The following NELL2 variants were observed in gnomAD, a reference collection of about 807,000 sequenced individuals.
NELL2 encodes protein kinase C-binding protein NELL2.
NELL2 carries 41 observed loss-of-function variants against 109.6 expected under a neutral mutation model. The ratio of observed to expected loss-of-function variants is 0.37; its 90% CI spans 0.29 to 0.49. The LOEUF (loss-of-function observed/expected upper bound fraction) is 0.49. Among genes scored for constraint, NELL2 ranks in the 20% least tolerant of loss-of-function variants. The probability of loss-of-function intolerance (pLI) is 0.98; values close to 1 mark genes in which losing one functional copy is unlikely to be tolerated. For synonymous variants in NELL2, 355 were observed against 344.7 expected, an observed-to-expected ratio of 1.03 and a Z score of -0.33; for missense variants, 900 against 1,008.3, an observed-to-expected ratio of 0.89 and a Z score of 1.45.
chr12:44,653,692 C>T (rs535903165), intron 13 of NELL2, among the ~76,000 whole-genome samples: 63 of 152,246 alleles, frequency 4.1e-4, no homozygotes, highest in African/African-American at 1.4e-3. Context: ...GAATGTAATA[C>T]TATATCACCT....
At chr12:44,905,742 T>C (rs1945712238) in intron 1 of NELL2, among the ~76,000 whole-genome samples, 1 of 152,112 alleles carries the variant, frequency 6.6e-6, no homozygotes, top group South Asian at 2.1e-4. Flanking sequence ...ACCATCTGAC[T>C]AGCTCTCACA....
At chr12:44,710,558 C>T (rs1055754748) in intron 11 of NELL2, among the ~76,000 whole-genome samples, 1 of 152,082 alleles carries the variant, frequency 6.6e-6, no homozygotes, top group African/African-American at 2.4e-5. Context: ...TAAAGAGTTC[C>T]ATATAATCAA....
chr12:44,677,855 T>C (rs1365218580), intron 12 of NELL2, among the ~76,000 whole-genome samples: 2 of 151,674 alleles, frequency 1.3e-5, no homozygotes, highest in African/African-American at 2.4e-5. Flanking sequence ...AGGACTGCAA[T>C]TGAGCTACAG....
intron 12 of NELL2, among the ~76,000 whole-genome samples, chr12:44,702,812 A>G (rs887817418): frequency 1.3e-5 from 2 of 150,676 alleles, no homozygotes; most frequent in Non-Finnish European, 2.9e-5. Flanking sequence ...TTTTTAAGAA[A>G]AAGAAAAAAC....
chr12:44,900,884 G>A (rs903084740), intron 1 of NELL2, among the ~76,000 whole-genome samples: 16 of 152,094 alleles, frequency 1.1e-4, no homozygotes, highest in African/African-American at 3.9e-4. Context: ...AGCTACTCAA[G>A]AGGCTGAGGC....
intron 13 of NELL2, among the ~76,000 whole-genome samples, chr12:44,618,363 T>C (rs1252220456): frequency 6.6e-6 from 1 of 152,194 alleles, no homozygotes; most frequent in Non-Finnish European, 1.5e-5. Context: ...CTGATTTTCT[T>C]CTAGTCTTTT....
chr12:44,844,230 G>A (rs1197432835), intron 2 of NELL2, among the ~76,000 whole-genome samples: 1 of 152,104 alleles, frequency 6.6e-6, no homozygotes, highest in Non-Finnish European at 1.5e-5. Context: ...TTACCACATT[G>A]GTGGGAACTG....
intron 9 of NELL2, among the ~76,000 whole-genome samples, chr12:44,762,829 C>T (rs1941181357): frequency 2.6e-5 from 4 of 152,198 alleles, no homozygotes; most frequent in Admixed American, 2.0e-4. Context: ...GCTTTATCAA[C>T]ACCTTAATAC....
intron 9 of NELL2, among the ~76,000 whole-genome samples, chr12:44,741,355 G>A (rs781545247): frequency 3.9e-5 from 6 of 152,070 alleles, no homozygotes; most frequent in African/African-American, 1.2e-4. Flanking sequence ...GAACAGCTCT[G>A]GTCTACAGCT....
chr12:44,769,311 A>G (rs1459967108), intron 9 of NELL2, among the ~76,000 whole-genome samples: 1 of 152,146 alleles, frequency 6.6e-6, no homozygotes, highest in African/African-American at 2.4e-5. Context: ...ACTTTTTATT[A>G]TTTAATATTA....
At chr12:44,532,560 A>G (rs1437210734) in intron 16 of NELL2, 21 bp downstream of exon 16, 4 of 1,601,590 alleles carry the variant, frequency 2.5e-6, no homozygotes, top group Non-Finnish European at 3.4e-6. Context: ...CTTAAATTCT[A>G]GGTCTTCTCC....
intron 15 of NELL2, among the ~76,000 whole-genome samples, chr12:44,568,182 G>A (rs1478782504): frequency 6.6e-6 from 1 of 152,106 alleles, no homozygotes; most frequent in African/African-American, 2.4e-5. Flanking sequence ...ACACTCTATG[G>A]TTTGGTGGCA....
intron 2 of NELL2, among the ~76,000 whole-genome samples, chr12:44,856,299 T>G (rs1944681698): frequency 6.6e-6 from 1 of 152,218 alleles, no homozygotes; most frequent in Admixed American, 6.5e-5. Flanking sequence ...ATCAGTAAAT[T>G]AAGCATTCAA....
At chr12:44,650,515 G>C (rs1947263606) in intron 13 of NELL2, among the ~76,000 whole-genome samples, 2 of 151,900 alleles carry the variant, frequency 1.3e-5, no homozygotes, top group Admixed American at 6.6e-5. Flanking sequence ...GGCTGGTCTT[G>C]AACCCCTGAC....
intron 9 of NELL2, among the ~76,000 whole-genome samples, chr12:44,737,839 T>C (rs1939731920): frequency 6.6e-6 from 1 of 151,688 alleles, no homozygotes; most frequent in Admixed American, 6.6e-5. Flanking sequence ...GCCCTCATGA[T>C]CTAATTAAAA....
intron 1 of NELL2, among the ~76,000 whole-genome samples, chr12:44,900,025 A>G (rs994198900): frequency 1.3e-5 from 2 of 152,234 alleles, no homozygotes; most frequent in African/African-American, 4.8e-5. Flanking sequence ...AGGGCATTAC[A>G]TAATGGTAAA....
At chr12:44,774,315 C>G (rs1263881839) in intron 9 of NELL2, among the ~76,000 whole-genome samples, 1 of 152,196 alleles carries the variant, frequency 6.6e-6, no homozygotes, top group African/African-American at 2.4e-5. Flanking sequence ...ACTGGACAAT[C>G]CTATAATAAT....
intron 1 of NELL2, among the ~76,000 whole-genome samples, chr12:44,921,221 G>C (rs1292686779): frequency 2.0e-5 from 3 of 152,174 alleles, no homozygotes; most frequent in East Asian, 1.9e-4. Flanking sequence ...ATGGAAGTCA[G>C]AGACCTAAAC....
intron 9 of NELL2, among the ~76,000 whole-genome samples, chr12:44,768,246 C>A: frequency 6.6e-6 from 1 of 152,020 alleles, no homozygotes; most frequent in East Asian, 1.9e-4. Context: ...CGGTATTTTT[C>A]CACTGATTGG....
Sources: allele counts gnomAD v4.1 joint callset (sites outside exome capture counted in the v4.1 genomes callset), GRCh38; gene constraint gnomAD v4.1.1; transcripts MANE v1.5; gene names NCBI Gene and HGNC (gene_info 2026-07-23, HGNC 2026-07-21).